Variants in FOXP2 observed in about 807,000 individuals in gnomAD.
The protein encoded by FOXP2 is forkhead box P2.
FOXP2 carries 12 observed loss-of-function variants against 115.8 expected under a neutral mutation model. The ratio of observed to expected loss-of-function variants is 0.10; its 90% CI spans 0.07 to 0.17. The LOEUF (loss-of-function observed/expected upper bound fraction) is 0.17, where lower values mean the gene tolerates loss of function less well. FOXP2 is among the 10% of genes least tolerant of loss of function. The probability of loss-of-function intolerance (pLI) is 1.00; values close to 1 mark genes in which losing one functional copy is unlikely to be tolerated. For synonymous variants in FOXP2, 328 were observed against 297.7 expected, an observed-to-expected ratio of 1.10 and a Z score of -1.05; for missense variants, 629 against 843.5, an observed-to-expected ratio of 0.75 and a Z score of 3.15.
At position 114,691,670 on chromosome 7, in the gene FOXP2, G is replaced by A; in HGVS notation, c.*1744G>A. On this transcript the variant is annotated 3_prime_UTR_variant, in exon 17 of 17. Coordinates refer to ENST00000350908, the MANE Select transcript of FOXP2 (RefSeq NM_014491.4). The stretch of plus-strand genomic sequence containing the variant: ...TGATAATACTTTTTCCCCCAACCAA[G>A]GGACCTCATAACCTGATTATGGTTA... 2.2e-6 allele frequency: 1 copy of A among 453,936 alleles called. No individual in the cohort carries two copies. Among genetic ancestry groups the A allele is most frequent in the Non-Finnish European group, 4.4e-6 (1 of 226,722 alleles). The allele number at this position is 453,936 out of a possible 1,614,324, so 28.1% of individuals were successfully genotyped here. A position where few individuals can be genotyped will look rare whatever the true frequency, so the allele number is the denominator to read the frequency against.
chr7:114,271,658 T>C (rs1288497216), intron 1 of FOXP2, among the ~76,000 whole-genome samples: 4 of 119,682 alleles, frequency 3.3e-5, no homozygotes, highest in African/African-American at 1.3e-4. Context: ...TTATAAATAT[T>C]ATTAAATATA....
At chr7:114,454,482 C>G (rs919931059) in intron 2 of FOXP2, among the ~76,000 whole-genome samples, 14 of 151,680 alleles carry the variant, frequency 9.2e-5, no homozygotes. Flanking sequence ...GGATCTAGAA[C>G]TAGAAATACC....
intron 2 of FOXP2, among the ~76,000 whole-genome samples, chr7:114,296,244 C>T (rs904599231): frequency 3.9e-5 from 6 of 152,062 alleles, no homozygotes; most frequent in Admixed American, 2.0e-4. Flanking sequence ...TTTGGGACTA[C>T]AATATTGTGA....
At chr7:114,262,954 C>T (rs191044153) in intron 1 of FOXP2, among the ~76,000 whole-genome samples, 1 of 152,196 alleles carries the variant, frequency 6.6e-6, no homozygotes, top group African/African-American at 2.4e-5. Context: ...CCATTCAGTG[C>T]ATTCCTCTGC....
At chr7:114,464,557 G>T (rs1333300045) in intron 2 of FOXP2, among the ~76,000 whole-genome samples, 1 of 152,204 alleles carries the variant, frequency 6.6e-6, no homozygotes, top group East Asian at 1.9e-4. Context: ...ATCATAATTA[G>T]TTGAACATCC....
chr7:114,313,250 T>G (rs562112851), intron 2 of FOXP2, among the ~76,000 whole-genome samples: 1 of 152,336 alleles, frequency 6.6e-6, no homozygotes, highest in South Asian at 2.1e-4. Flanking sequence ...GCTTTGGCTC[T>G]TCTGTGATGA....
chr7:114,598,046 G>A (rs1178465151), intron 3 of FOXP2, among the ~76,000 whole-genome samples: 1 of 152,086 alleles, frequency 6.6e-6, no homozygotes, highest in African/African-American at 2.4e-5. Context: ...TTATGTTCAT[G>A]TTATTTAAAC....
At chr7:114,218,429 A>C (rs912804825) in intron 1 of FOXP2, among the ~76,000 whole-genome samples, 1 of 152,158 alleles carries the variant, frequency 6.6e-6, no homozygotes, top group Non-Finnish European at 1.5e-5. Flanking sequence ...CAGTAATTAC[A>C]AGGCAGTTCT....
intron 1 of FOXP2, among the ~76,000 whole-genome samples, chr7:114,422,759 G>A (rs976241517): frequency 5.3e-5 from 8 of 151,594 alleles, no homozygotes; most frequent in Non-Finnish European, 1.2e-4. Flanking sequence ...TGCGAATACG[G>A]AATAGGATAC....
At chr7:114,256,009 C>T (rs1362024226) in intron 1 of FOXP2, among the ~76,000 whole-genome samples, 2 of 152,188 alleles carry the variant, frequency 1.3e-5, no homozygotes, top group Non-Finnish European at 2.9e-5. Flanking sequence ...TTCCCACTCA[C>T]AGTGTAAAAG....
intron 2 of FOXP2, among the ~76,000 whole-genome samples, chr7:114,354,161 C>T (rs1791560210): frequency 6.6e-6 from 1 of 152,114 alleles, no homozygotes; most frequent in Non-Finnish European, 1.5e-5. Context: ...TCTATCTTCT[C>T]CTTCCCCGGG....
At chr7:114,379,137 A>G (rs911421627) in intron 2 of FOXP2, among the ~76,000 whole-genome samples, 4 of 152,146 alleles carry the variant, frequency 2.6e-5, no homozygotes, top group African/African-American at 9.7e-5. Context: ...CAGAGCTCCC[A>G]TACAAATGGA....
intron 1 of FOXP2, among the ~76,000 whole-genome samples, chr7:114,156,591 T>G (rs941728268): frequency 2.0e-5 from 3 of 152,272 alleles, no homozygotes; most frequent in Non-Finnish European, 2.9e-5. Context: ...CTTACATGTA[T>G]TGATTGATGT....
intron 1 of FOXP2, among the ~76,000 whole-genome samples, chr7:114,246,947 G>T (rs915616132): frequency 8.6e-5 from 13 of 152,042 alleles, no homozygotes; most frequent in African/African-American, 2.9e-4. Context: ...ACATAGAATT[G>T]TCTTTTCAGG....
intron 16 of FOXP2, among the ~76,000 whole-genome samples, chr7:114,683,780 A>C (rs1471559971): frequency 6.6e-6 from 1 of 152,128 alleles, no homozygotes; most frequent in African/African-American, 2.4e-5. Context: ...AACTGAAAAC[A>C]ATGTTTCTGG....
intron 2 of FOXP2, among the ~76,000 whole-genome samples, chr7:114,356,756 A>C (rs1791626572): frequency 6.6e-6 from 1 of 152,308 alleles, no homozygotes; most frequent in Non-Finnish European, 1.5e-5. Context: ...AATGATAATT[A>C]TTATTCAAAA....
intron 1 of FOXP2, among the ~76,000 whole-genome samples, chr7:114,259,089 A>G (rs1018390107): frequency 2.6e-5 from 4 of 152,200 alleles, no homozygotes; most frequent in Non-Finnish European, 5.9e-5. Context: ...TAAAAGGAAT[A>G]TATTCTAAAG....
intron 1 of FOXP2, among the ~76,000 whole-genome samples, chr7:114,222,710 C>T (rs774032079): frequency 1.5e-4 from 23 of 152,026 alleles, no homozygotes; most frequent in Non-Finnish European, 3.1e-4. Flanking sequence ...GCTTCATGAG[C>T]GTATTTTAAG....
chr7:114,423,112 T>C (rs997701850), intron 1 of FOXP2, among the ~76,000 whole-genome samples: 1 of 151,746 alleles, frequency 6.6e-6, no homozygotes, highest in African/African-American at 2.4e-5. Context: ...TGCTGGATTA[T>C]AGCAATTTGA....
Sources: allele counts gnomAD v4.1 joint callset (sites outside exome capture counted in the v4.1 genomes callset), GRCh38; gene constraint gnomAD v4.1.1; transcripts MANE v1.5; gene names NCBI Gene and HGNC (gene_info 2026-07-23, HGNC 2026-07-21).